The following FAM13A variants were observed in gnomAD, a reference collection of about 807,000 sequenced individuals.
FAM13A encodes the protein protein FAM13A.
Under a neutral mutation model 129.6 loss-of-function variants are expected in FAM13A, and 76 were observed. That is an observed-to-expected ratio of 0.59 (90% CI 0.49 to 0.71). The LOEUF is 0.71. Ranked by LOEUF, FAM13A falls within the 30% of genes least tolerant of loss-of-function variation. FAM13A has a pLI of 0.00. For synonymous variants in FAM13A, 443 were observed against 449.9 expected, an observed-to-expected ratio of 0.98 and a Z score of 0.20; for missense variants, 1,108 against 1,249.3, an observed-to-expected ratio of 0.89 and a Z score of 1.70.
Position 88,864,658 on chromosome 4 carries a change from C to T in FAM13A, c.844-13475G>A, listed in dbSNP as rs1180189782. The stretch of plus-strand genomic sequence containing the variant: ...TCCTGACCTCATGATCTGCCTGCCT[C>T]AGCCTCCCAAAGTGCTGGGATTACA... On this transcript the variant is annotated intron_variant, in intron 6 of 23. Coordinates refer to ENST00000264344, the MANE Select transcript of FAM13A (RefSeq NM_014883.4). Among the ~76,000 whole-genome samples, 5 of 152,340 alleles carry T rather than the reference C, an allele frequency of 3.3e-5. No homozygotes were observed. In the East Asian group the frequency reaches 9.6e-4, roughly 29 times the overall value.
intron 5 of FAM13A, among the ~76,000 whole-genome samples, chr4:88,915,304 T>C (rs148848425): frequency 4.7e-4 from 71 of 152,302 alleles, no homozygotes; most frequent in African/African-American, 1.7e-3. Flanking sequence ...AATATAATGT[T>C]ATCTTTACAT....
chr4:88,786,899 G>T (rs1194914901), intron 10 of FAM13A, among the ~76,000 whole-genome samples: 4 of 151,736 alleles, frequency 2.6e-5, no homozygotes, highest in Non-Finnish European at 5.9e-5. Flanking sequence ...ATTAAGAAAA[G>T]AAAGAAAAAG....
intron 5 of FAM13A, among the ~76,000 whole-genome samples, chr4:88,915,404 C>T (rs1467001322): frequency 6.6e-6 from 1 of 151,992 alleles, no homozygotes; most frequent in East Asian, 1.9e-4. Context: ...TCTGGCTTGG[C>T]CCAGGGAAGT....
chr4:89,035,030 T>C (rs1244073871), intron 1 of FAM13A, among the ~76,000 whole-genome samples: 1 of 152,180 alleles, frequency 6.6e-6, no homozygotes, highest in East Asian at 1.9e-4. Context: ...ACATAAACCA[T>C]GGAATACAAC....
rs527507741 is a variant in FAM13A at position 88,840,568 on chromosome 4, A to T, written c.1007+10452T>A. Among the ~76,000 whole-genome samples the T allele has an allele frequency of 3.9e-5, 6 of 152,270 alleles. No individual in the cohort carries two copies. The East Asian group carries it at 1.2e-3, about 29-fold the overall frequency. On this transcript the variant is annotated intron_variant, in intron 7 of 23. Transcript: ENST00000264344. ...AGAATACATGTACGTGACTCTAGAG[A>T]GGTGCGGGTTCAGCTCATCCACTGT...
intron 10 of FAM13A, among the ~76,000 whole-genome samples, chr4:88,782,814 T>C (rs1485090996): frequency 2.0e-5 from 3 of 152,304 alleles, no homozygotes; most frequent in African/African-American, 7.2e-5. Flanking sequence ...CTCATGCACA[T>C]GTTCCTCAAT....
At position 88,923,037 on chromosome 4, in the gene FAM13A, C is replaced by T. The variant is rs531144788; in HGVS notation, c.759+15051G>A. Among the ~76,000 whole-genome samples, 103 of 152,278 alleles carry T rather than the reference C, an allele frequency of 6.8e-4. 1 individual carries two copies. The highest frequency in any genetic ancestry group is 2.5e-3 in the African/African-American group (103 of 41,548). On this transcript the variant is annotated intron_variant, in intron 5 of 23. Transcript: ENST00000264344. ...TCTCTGAATAGACCAATAACAGGCTCTGAAATTGTGGCAATAATCAATAGC... is the reference window on the plus strand; with the variant it reads ...TCTCTGAATAGACCAATAACAGGCTTTGAAATTGTGGCAATAATCAATAGC...
intron 7 of FAM13A, 94 bp downstream of exon 7, chr4:88,850,926 T>C: frequency 1.8e-6 from 2 of 1,106,366 alleles, no homozygotes; most frequent in Non-Finnish European, 2.7e-6. Context: ...TAAACTCCAG[T>C]GGCAGATCAA....
At chr4:88,953,826 A>G (rs1463029661) in intron 4 of FAM13A, among the ~76,000 whole-genome samples, 1 of 152,174 alleles carries the variant, frequency 6.6e-6, no homozygotes, top group Non-Finnish European at 1.5e-5. Flanking sequence ...GTATGTATAT[A>G]CCTAATTTGT....
rs549212310 is a variant in FAM13A, at chr4:88,730,929, T to C, written c.2945+398A>G. On this transcript the variant is annotated intron_variant, in intron 23 of 23. Transcript: ENST00000264344. Reference sequence around the variant, plus strand: ...AATCCTCCTGCCTTAGCCTCCCAAGTAGCTAGAGCTACAGGTGTGCCACTA... The same window carrying C: ...AATCCTCCTGCCTTAGCCTCCCAAGCAGCTAGAGCTACAGGTGTGCCACTA... Among the ~76,000 whole-genome samples, 5 of 152,280 alleles carry C rather than the reference T, an allele frequency of 3.3e-5. No homozygotes were observed. The East Asian group carries it at 9.7e-4, about 29-fold the overall frequency.
intron 15 of FAM13A, 44 bp from the exon 16 acceptor site, chr4:88,749,953 C>T (rs762760878): frequency 1.2e-6 from 2 of 1,606,308 alleles, no homozygotes; most frequent in Non-Finnish European, 1.7e-6. Flanking sequence ...GGAGCAGTCA[C>T]TGCTTGCCTA....
At chr4:88,809,873 T>C (rs1368304596) in intron 7 of FAM13A, among the ~76,000 whole-genome samples, 1 of 151,782 alleles carries the variant, frequency 6.6e-6, no homozygotes, top group Non-Finnish European at 1.5e-5. Flanking sequence ...GTGGGCTTTT[T>C]TTTTTTTTCC....
chr4:89,032,176 C>T (rs1189794528), intron 1 of FAM13A, among the ~76,000 whole-genome samples: 8 of 151,616 alleles, frequency 5.3e-5, no homozygotes, highest in African/African-American at 1.7e-4. Context: ...ACCTGGGAGG[C>T]GGAGCTTGCA....
At chr4:88,796,291 G>A (rs1454220984) in intron 8 of FAM13A, among the ~76,000 whole-genome samples, 1 of 151,772 alleles carries the variant, frequency 6.6e-6, no homozygotes, top group African/African-American at 2.4e-5. Flanking sequence ...AGTTTTCATT[G>A]GTTGATTGAA....
chr4:88,846,151 G>C (rs1578930671), intron 7 of FAM13A, among the ~76,000 whole-genome samples: 1 of 152,214 alleles, frequency 6.6e-6, no homozygotes, highest in East Asian at 1.9e-4. Flanking sequence ...TTGAAAGAAG[G>C]CCATGAAGTT....
intron 4 of FAM13A, among the ~76,000 whole-genome samples, chr4:88,948,962 G>C (rs1756444382): frequency 6.6e-6 from 1 of 152,188 alleles, no homozygotes; most frequent in African/African-American, 2.4e-5. Flanking sequence ...TCTCTCTTGA[G>C]AATCAAAGTT....
rs1467852436 is a variant in FAM13A, at chr4:88,851,080, T to C, written c.947A>G (p.Lys316Arg). The C allele has an allele frequency of 1.2e-6, 2 of 1,614,022 alleles. No individual in the cohort carries two copies. Among genetic ancestry groups the C allele is most frequent in the Non-Finnish European group, 1.7e-6 (2 of 1,179,994 alleles). Residue 316 changes from lysine to arginine, a missense_variant, in exon 7 of 24, where the codon AAA becomes AGA. By Grantham distance (26) the Lys-to-Arg change is conservative. This residue lies in a region of FAM13A where 566 missense variants were observed against 595.7 expected (regional missense o/e 0.95). Coordinates refer to ENST00000264344, the MANE Select transcript of FAM13A (RefSeq NM_014883.4). The part of the protein sequence containing the change: ...PQLSLRLSYR[K>R]ACLEDMNSAE... ...TGAATTCATGTCTTCCAAGCAGGCT[T>C]TTCTATAACTTAGCCGCAAGCTGAG...
intron 4 of FAM13A, among the ~76,000 whole-genome samples, chr4:88,959,147 T>C (rs983852232): frequency 1.3e-5 from 2 of 152,178 alleles, no homozygotes; most frequent in African/African-American, 4.8e-5. Context: ...TTGTCTCAGA[T>C]GAGATTTTGG....
intron 6 of FAM13A, among the ~76,000 whole-genome samples, chr4:88,888,721 C>A (rs546394838): frequency 6.6e-6 from 1 of 150,786 alleles, no homozygotes; most frequent in South Asian, 2.1e-4. Context: ...GTCAGGAGAT[C>A]GAGACCATCC....
Sources: gnomAD v4.1 joint callset for allele counts (sites outside exome capture counted in the v4.1 genomes callset) on GRCh38, gnomAD v4.1.1 for gene constraint, gnomAD v4.1.1 regional missense constraint, MANE v1.5 for transcripts, NCBI Gene and HGNC (gene_info 2026-07-23, HGNC 2026-07-21) for gene names.